TMC1: variants seen among roughly 807,000 people sequenced by gnomAD.
The protein encoded by TMC1 is transmembrane channel like 1, also known as transmembrane channel-like protein 1.
TMC1 carries 84 observed loss-of-function variants against 105.8 expected under a neutral mutation model. The ratio of observed to expected loss-of-function variants is 0.79; its 90% CI spans 0.67 to 0.95. TMC1 has a LOEUF of 0.95. TMC1 is among the 40% of genes least tolerant of loss of function. TMC1 has a pLI of 0.00. For missense variants in TMC1, 817 were observed against 914.1 expected (o/e 0.89, Z 1.37); for synonymous variants, 315 against 311.5 (o/e 1.01, Z -0.12).
At chr9:72,658,293 G>A (rs1825913343) in intron 5 of TMC1, among the ~76,000 whole-genome samples, 1 of 151,222 alleles carries the variant, frequency 6.6e-6, no homozygotes, top group Non-Finnish European at 1.5e-5. Context: ...AATATATACT[G>A]TGTATTTTTT....
At chr9:72,752,953 G>T (rs1396003740) in intron 11 of TMC1, among the ~76,000 whole-genome samples, 2 of 152,152 alleles carry the variant, frequency 1.3e-5, no homozygotes, top group East Asian at 3.8e-4. Flanking sequence ...ACAAATTTAT[G>T]ATGTAGACTG....
intron 2 of TMC1, among the ~76,000 whole-genome samples, chr9:72,600,697 A>C (rs1158026948): frequency 1.3e-5 from 2 of 152,160 alleles, no homozygotes; most frequent in African/African-American, 2.4e-5. Context: ...CAATTAAAAA[A>C]AGAAAAAAAT....
intron 4 of TMC1, among the ~76,000 whole-genome samples, chr9:72,640,877 C>T (rs1187691006): frequency 6.6e-6 from 1 of 152,006 alleles, no homozygotes; most frequent in Non-Finnish European, 1.5e-5. Context: ...ATGATCCACC[C>T]GCCTCGGCCT....
rs74395272 is a variant in TMC1 at position 72,775,579 on chromosome 9, G to T, written c.884+3024G>T. 4.7e-3 allele frequency among the ~76,000 whole-genome samples: 710 copies of T among 152,286 alleles called. 7 individuals are homozygous for T. Among genetic ancestry groups the T allele is most frequent in the African/African-American group, 0.015 (630 of 41,570 alleles). On this transcript the variant is annotated intron_variant, in intron 13 of 23. Transcript: ENST00000297784. ...GAAGCAGTTGAATCATTTTGAGAAT[G>T]CATGTCTTAATAAGAAACTCATAGC...
chr9:72,547,286 CAAA>C (rs36012788), intron 1 of TMC1, among the ~76,000 whole-genome samples: 1 of 115,030 alleles, frequency 8.7e-6, no homozygotes, highest in Non-Finnish European at 1.8e-5. Flanking sequence ...GACTCCTTCT[CAAA>C]AAAAAAAAAA....
intron 5 of TMC1, among the ~76,000 whole-genome samples, chr9:72,673,701 A>G (rs918314531): frequency 1.3e-5 from 2 of 152,204 alleles, no homozygotes; most frequent in African/African-American, 2.4e-5. Context: ...ATATGACACA[A>G]TCTACCAAAG....
At chr9:72,544,196 G>A (rs1471407011) in intron 1 of TMC1, among the ~76,000 whole-genome samples, 1 of 151,752 alleles carries the variant, frequency 6.6e-6, no homozygotes, top group Non-Finnish European at 1.5e-5. Context: ...TGATCCACCC[G>A]CCTCGGCCTC....
At chr9:72,831,074 G>T (rs1213928511) in intron 23 of TMC1, among the ~76,000 whole-genome samples, 1 of 152,166 alleles carries the variant, frequency 6.6e-6, no homozygotes, top group African/African-American at 2.4e-5. Flanking sequence ...AAGATCCCAA[G>T]AGGGTCCTCT....
chr9:72,740,005 G>C, intron 8 of TMC1, 114 bp from the exon 9 acceptor site: 1 of 785,144 alleles, frequency 1.3e-6, no homozygotes, highest in Non-Finnish European at 2.1e-6. Flanking sequence ...CACCTGTGAA[G>C]GATCTAGAAG....
At chr9:72,681,673 G>C (rs1588028597) in intron 5 of TMC1, among the ~76,000 whole-genome samples, 1 of 152,122 alleles carries the variant, frequency 6.6e-6, no homozygotes, top group African/African-American at 2.4e-5. Flanking sequence ...CAAAAAAATT[G>C]GTGTGCATCC....
At chr9:72,830,824 A>G in intron 23 of TMC1, 142 bp downstream of exon 23, 1 of 735,588 alleles carries the variant, frequency 1.4e-6, no homozygotes, top group Non-Finnish European at 2.2e-6. Context: ...CTTACCTTCC[A>G]CCTTTTTAGC....
At chr9:72,770,215 G>A (rs953394460) in intron 12 of TMC1, among the ~76,000 whole-genome samples, 3 of 151,368 alleles carry the variant, frequency 2.0e-5, no homozygotes, top group Non-Finnish European at 2.9e-5. Context: ...CTGTTGGATG[G>A]CATCCTAGTC....
chr9:72,782,803 A>G (rs1469068417), intron 13 of TMC1, among the ~76,000 whole-genome samples: 2 of 152,182 alleles, frequency 1.3e-5, no homozygotes, highest in Non-Finnish European at 2.9e-5. Flanking sequence ...ACACAAACAA[A>G]TGGAAAAATT....
At chr9:72,609,049 C>T (rs1307417661) in intron 2 of TMC1, among the ~76,000 whole-genome samples, 1 of 152,108 alleles carries the variant, frequency 6.6e-6, no homozygotes, top group Non-Finnish European at 1.5e-5. Context: ...TATTCTCTTC[C>T]TCCCTTACTC....
intron 8 of TMC1, among the ~76,000 whole-genome samples, chr9:72,730,537 C>G (rs1236638846): frequency 2.6e-5 from 4 of 152,136 alleles, no homozygotes; most frequent in Admixed American, 6.5e-5. Flanking sequence ...GATGCCATAT[C>G]CCAGCCCTAG....
In TMC1 at chr9:72,617,908, G is replaced by GGTGTGTGT. The variant is rs58657161; in HGVS notation, c.-196+1466_-196+1473dup. Among the ~76,000 whole-genome samples the GGTGTGTGT allele has an allele frequency of 1.4e-3, 209 of 144,412 alleles. 2 individuals carry two copies. Among genetic ancestry groups the GGTGTGTGT allele is most frequent in the African/African-American group, 4.2e-3 (165 of 39,048 alleles). The allele number at this position is 144,412 out of a possible 152,430, so 94.7% of individuals were successfully genotyped here. A position where few individuals can be genotyped will look rare whatever the true frequency, so the allele number is the denominator to read the frequency against. ...CCATTTACCCAAGAAGTCTATGTGT[G>GGTGTGTGT]GTGTGTGTGTGTGTGTGTGTGTGTG... On this transcript the variant is annotated intron_variant, in intron 3 of 23. Coordinates refer to ENST00000297784, the MANE Select transcript of TMC1 (RefSeq NM_138691.3).
chr9:72,647,860 ACT>A (rs1825740425), intron 4 of TMC1, among the ~76,000 whole-genome samples: 1 of 151,832 alleles, frequency 6.6e-6, no homozygotes, highest in African/African-American at 2.4e-5. Flanking sequence ...CAGCGTCCGT[ACT>A]CTCAAAAAGA....
intron 21 of TMC1, among the ~76,000 whole-genome samples, chr9:72,829,076 G>A (rs1157634385): frequency 6.6e-6 from 1 of 152,134 alleles, no homozygotes; most frequent in Non-Finnish European, 1.5e-5. Flanking sequence ...GTACTGAAAG[G>A]TTGATTGTGG....
chr9:72,802,137 A>C (rs879061363), intron 17 of TMC1, among the ~76,000 whole-genome samples: 85 of 152,212 alleles, frequency 5.6e-4, no homozygotes, highest in Admixed American at 3.5e-3. Flanking sequence ...ATGTGTCTGT[A>C]GTCCCAGCTA....
Sources: allele counts gnomAD v4.1 joint callset (sites outside exome capture counted in the v4.1 genomes callset), GRCh38; gene constraint gnomAD v4.1.1; transcripts MANE v1.5; gene names NCBI Gene and HGNC (gene_info 2026-07-23, HGNC 2026-07-21).